Variants in PDE10A observed in about 807,000 individuals in gnomAD.
PDE10A encodes phosphodiesterase 10A.
In PDE10A, 39 loss-of-function variants were observed where a neutral mutation model predicts 97.7. The ratio of observed to expected loss-of-function variants is 0.40; its 90% CI spans 0.31 to 0.52. The LOEUF (loss-of-function observed/expected upper bound fraction) is 0.52. Among genes scored for constraint, PDE10A ranks in the 20% least tolerant of loss-of-function variants. The pLI is 0.56. For missense variants in PDE10A, 731 were observed against 1,047.8 expected, an observed-to-expected ratio of 0.70 and a Z score of 4.17; for synonymous variants, 371 against 376.8, an observed-to-expected ratio of 0.98 and a Z score of 0.18.
In PDE10A at chr6:165,787,636, G is replaced by A. The variant is rs143942593; in HGVS notation, c.-615+199893C>T. Among the ~76,000 whole-genome samples the A allele has an allele frequency of 2.7e-3, 415 of 152,306 alleles. 4 individuals carry two copies. Among genetic ancestry groups the A allele is most frequent in the African/African-American group, 9.4e-3 (392 of 41,562 alleles). ...TTCGTAGGAGTGATTACTCAGCAATGTTAGTTATCTAACTACCTTTAACCA... is the reference window on the plus strand; with the variant it reads ...TTCGTAGGAGTGATTACTCAGCAATATTAGTTATCTAACTACCTTTAACCA... On this transcript the variant is annotated intron_variant, in intron 1 of 19. Transcript: ENST00000366882.
At chr6:165,581,700 T>C (rs1266520721) in intron 1 of PDE10A, among the ~76,000 whole-genome samples, 1 of 152,256 alleles carries the variant, frequency 6.6e-6, no homozygotes, top group Admixed American at 6.5e-5. Context: ...TTCTGAGGCC[T>C]TTACAATTTG....
intron 3 of PDE10A, among the ~76,000 whole-genome samples, chr6:165,472,054 C>T (rs900986598): frequency 1.3e-5 from 2 of 152,120 alleles, no homozygotes; most frequent in Admixed American, 1.3e-4. Context: ...TCCTAGCACA[C>T]TTCATATAAT....
At chr6:165,899,990 A>G (rs1465129400) in intron 1 of PDE10A, among the ~76,000 whole-genome samples, 1 of 152,184 alleles carries the variant, frequency 6.6e-6, no homozygotes, top group African/African-American at 2.4e-5. Flanking sequence ...GGGCTATCTG[A>G]TGGGTCCTGC....
chr6:165,739,438 C>T (rs973370359), intron 1 of PDE10A, among the ~76,000 whole-genome samples: 8 of 152,060 alleles, frequency 5.3e-5, no homozygotes, highest in African/African-American at 1.9e-4. Context: ...ATATTCACAG[C>T]CAAAAGAATG....
intron 1 of PDE10A, among the ~76,000 whole-genome samples, chr6:165,713,568 A>G (rs1308962727): frequency 6.6e-6 from 1 of 152,170 alleles, no homozygotes; most frequent in Non-Finnish European, 1.5e-5. Context: ...TGGGACCAGG[A>G]GAGGAGGGAG....
At position 165,459,498 on chromosome 6, in the gene PDE10A, TAG is replaced by T. The variant is rs1778166857; in HGVS notation, c.1024-9138_1024-9137del. On this transcript the variant is annotated intron_variant, in intron 3 of 21. Coordinates refer to ENST00000539869, the MANE Select transcript of PDE10A (RefSeq NM_001385079.1). ...CAATGCTTCTAATGCATTAGATAGATAGATAGATAGATAGATAGATAGATAGA... is the reference window on the plus strand; with the variant it reads ...CAATGCTTCTAATGCATTAGATAGATATAGATAGATAGATAGATAGATAGA... 8.6e-5 allele frequency among the ~76,000 whole-genome samples: 3 copies of T among 35,084 alleles called. No individual in the cohort carries two copies. In the Admixed American group the frequency reaches 8.9e-4, roughly 10 times the overall value. The allele number at this position is 35,084 out of a possible 152,430, so 23.0% of individuals were successfully genotyped here. A position where few individuals can be genotyped will look rare whatever the true frequency, so the allele number is the denominator to read the frequency against.
At chr6:165,907,268 A>C (rs529850542) in intron 1 of PDE10A, among the ~76,000 whole-genome samples, 2 of 152,202 alleles carry the variant, frequency 1.3e-5, no homozygotes, top group African/African-American at 4.8e-5. Context: ...CTGGTGGGAG[A>C]TTCAGGATCC....
intron 1 of PDE10A, among the ~76,000 whole-genome samples, chr6:165,883,749 A>G (rs1228483683): frequency 1.3e-5 from 2 of 151,930 alleles, no homozygotes; most frequent in African/African-American, 4.8e-5. Context: ...GAACACGAGG[A>G]GGTGTGTGAT....
chr6:165,834,598 G>C (rs1780019770), intron 1 of PDE10A, among the ~76,000 whole-genome samples: 1 of 152,206 alleles, frequency 6.6e-6, no homozygotes, highest in South Asian at 2.1e-4. Context: ...ACAAGCCACA[G>C]GACCAAGAGC....
intron 1 of PDE10A, among the ~76,000 whole-genome samples, chr6:165,620,062 C>T (rs535103828): frequency 3.9e-5 from 6 of 152,008 alleles, no homozygotes; most frequent in South Asian, 2.1e-4. Context: ...GCTGAGACCA[C>T]ATTTCTGTCT....
At chr6:165,390,188 G>T (rs1055468477) in intron 16 of PDE10A, among the ~76,000 whole-genome samples, 1 of 152,138 alleles carries the variant, frequency 6.6e-6, no homozygotes, top group Non-Finnish European at 1.5e-5. Context: ...AAAACCCCAA[G>T]GGAGGAACAG....
intron 1 of PDE10A, among the ~76,000 whole-genome samples, chr6:165,941,571 C>T (rs1783520288): frequency 6.6e-6 from 1 of 152,146 alleles, no homozygotes; most frequent in Non-Finnish European, 1.5e-5. Flanking sequence ...CGGCTTGGTG[C>T]TGTCTTCCTG....
At chr6:165,410,118 T>C (rs1013197911) in intron 13 of PDE10A, among the ~76,000 whole-genome samples, 1 of 151,762 alleles carries the variant, frequency 6.6e-6, no homozygotes, top group African/African-American at 2.4e-5. Flanking sequence ...AAATGACTTT[T>C]TCCCACATCC....
chr6:165,782,427 G>A lies in PDE10A; in HGVS notation c.-615+205102C>T, dbSNP rs73030296. Among the ~76,000 whole-genome samples the A allele has an allele frequency of 8.5e-3, 1,296 of 152,300 alleles. 13 individuals are homozygous for A. The highest frequency in any genetic ancestry group is 0.01 in the Non-Finnish European group (692 of 68,028). On this transcript the variant is annotated intron_variant, in intron 1 of 19. Transcript: ENST00000366882. ...TCAGAGTCCACAGCAGGGCCAAGGC[G>A]TGGGAAACCTGATTACCTGTATCAC...
intron 2 of PDE10A, among the ~76,000 whole-genome samples, chr6:165,531,242 C>T (rs557153585): frequency 6.6e-6 from 1 of 151,786 alleles, no homozygotes; most frequent in African/African-American, 2.4e-5. Context: ...TAATTGGTTG[C>T]TTACTATTTT....
At chr6:165,584,058 T>C (rs1055634179) in intron 1 of PDE10A, among the ~76,000 whole-genome samples, 7 of 152,156 alleles carry the variant, frequency 4.6e-5, no homozygotes, top group African/African-American at 1.7e-4. Flanking sequence ...TGATCCTGAT[T>C]GCCAGGAGGA....
At chr6:165,705,794 T>A (rs1182801263) in intron 1 of PDE10A, among the ~76,000 whole-genome samples, 1 of 152,214 alleles carries the variant, frequency 6.6e-6, no homozygotes, top group Non-Finnish European at 1.5e-5. Context: ...TGTGTGCTAT[T>A]AAATAAAGCA....
At chr6:165,791,298 C>T (rs1778642961) in intron 1 of PDE10A, among the ~76,000 whole-genome samples, 1 of 151,970 alleles carries the variant, frequency 6.6e-6, no homozygotes, top group South Asian at 2.1e-4. Flanking sequence ...CCAGTGAGAT[C>T]ACACAGAATT....
chr6:165,440,793 T>A (rs1790385529), intron 5 of PDE10A, among the ~76,000 whole-genome samples: 2 of 151,758 alleles, frequency 1.3e-5, no homozygotes, highest in East Asian at 3.9e-4. Flanking sequence ...AAGGTTGTTT[T>A]TAAAATAACC....
Sources: allele counts gnomAD v4.1 joint callset (sites outside exome capture counted in the v4.1 genomes callset), GRCh38; gene constraint gnomAD v4.1.1; transcripts MANE v1.5; gene names NCBI Gene and HGNC (gene_info 2026-07-23, HGNC 2026-07-21).